The following NEDD9 variants were observed in gnomAD, a reference collection of about 807,000 sequenced individuals.
NEDD9 encodes enhancer of filamentation 1.
In NEDD9, 26 loss-of-function variants were observed where a neutral mutation model predicts 76.6. The observed-to-expected ratio is 0.34, with a 90% confidence interval of 0.25 to 0.47. The LOEUF (loss-of-function observed/expected upper bound fraction) is 0.47. Ranked by LOEUF, NEDD9 falls within the 20% of genes least tolerant of loss-of-function variation. NEDD9 has a pLI of 1.00. For synonymous variants in NEDD9, 392 were observed against 414.2 expected, an observed-to-expected ratio of 0.95 and a Z score of 0.65; for missense variants, 937 against 1,058.5, an observed-to-expected ratio of 0.89 and a Z score of 1.59.
At chr6:11,287,269 A>G (rs1760669967) in intron 3 of NEDD9, among the ~76,000 whole-genome samples, 1 of 152,080 alleles carries the variant, frequency 6.6e-6, no homozygotes. Context: ...CTCTACTAAA[A>G]ATACAAAAAT....
intron 4 of NEDD9, among the ~76,000 whole-genome samples, chr6:11,191,540 C>T (rs772866603): frequency 1.2e-4 from 19 of 152,146 alleles, no homozygotes; most frequent in Non-Finnish European, 2.1e-4. Flanking sequence ...AGTTCTCCCC[C>T]GGTCTTTTTG....
At chr6:11,290,086 C>G (rs1462688232) in intron 3 of NEDD9, among the ~76,000 whole-genome samples, 1 of 152,184 alleles carries the variant, frequency 6.6e-6, no homozygotes, top group African/African-American at 2.4e-5. Flanking sequence ...GAGTTCTTTC[C>G]ACTCGTATTA....
intron 1 of NEDD9, among the ~76,000 whole-genome samples, chr6:11,358,847 C>A (rs558938927): frequency 5.9e-5 from 9 of 152,210 alleles, no homozygotes; most frequent in Admixed American, 1.3e-4. Context: ...CGAGGAAATT[C>A]AAATACTGAG....
chr6:11,357,412 A>C (rs1762598189), intron 1 of NEDD9, among the ~76,000 whole-genome samples: 2 of 152,204 alleles, frequency 1.3e-5, no homozygotes, highest in Non-Finnish European at 2.9e-5. Flanking sequence ...CTTGGACTAC[A>C]GAGACCTATT....
chr6:11,330,196 G>A (rs1183850055), intron 2 of NEDD9, among the ~76,000 whole-genome samples: 1 of 152,218 alleles, frequency 6.6e-6, no homozygotes, highest in Non-Finnish European at 1.5e-5. Context: ...GATGCACTGA[G>A]ATCACCTGCC....
intron 1 of NEDD9, among the ~76,000 whole-genome samples, chr6:11,362,133 C>T (rs1762690365): frequency 6.6e-6 from 1 of 152,178 alleles, no homozygotes; most frequent in Admixed American, 6.5e-5. Context: ...GTGAATCCTC[C>T]TGAATGGATG....
At chr6:11,303,516 T>C (rs543442797) in intron 3 of NEDD9, among the ~76,000 whole-genome samples, 1 of 150,888 alleles carries the variant, frequency 6.6e-6, no homozygotes, top group South Asian at 2.1e-4. Context: ...AAAAACTACT[T>C]AAAAGAACAA....
rs138252379 is a variant in NEDD9, at chr6:11,287,164, C to T, written c.12+18828G>A. Among the ~76,000 whole-genome samples the T allele has an allele frequency of 5.1e-3, 775 of 152,312 alleles. 4 individuals carry two copies. The highest frequency in any genetic ancestry group is 0.01 in the Admixed American group (157 of 15,298). ...CAAGTAGGCTGGGCGCGGTGGCTCA[C>T]GCTTTTAGTCTCAGCACTTTGGGAG... On this transcript the variant is annotated intron_variant, in intron 3 of 3. Coordinates refer to the NEDD9 transcript ENST00000397378.
chr6:11,187,767 G>A (rs1379422980), intron 6 of NEDD9, among the ~76,000 whole-genome samples: 6 of 152,190 alleles, frequency 3.9e-5, no homozygotes, highest in Non-Finnish European at 8.8e-5. Context: ...AAATAGGTGA[G>A]AGTGAAGTAG....
chr6:11,343,485 C>G (rs1762312507), intron 1 of NEDD9, among the ~76,000 whole-genome samples: 1 of 151,726 alleles, frequency 6.6e-6, no homozygotes, highest in Non-Finnish European at 1.5e-5. Context: ...CTATTTAAAA[C>G]TGCACCCCAC....
chr6:11,269,961 T>C (rs1760270189), intron 3 of NEDD9, among the ~76,000 whole-genome samples: 1 of 152,206 alleles, frequency 6.6e-6, no homozygotes, highest in Admixed American at 6.5e-5. Flanking sequence ...ACCCTGACTC[T>C]GCTAAAAGTA....
At chr6:11,304,753 C>G (rs934664385) in intron 3 of NEDD9, among the ~76,000 whole-genome samples, 5 of 152,114 alleles carry the variant, frequency 3.3e-5, no homozygotes, top group African/African-American at 1.2e-4. Flanking sequence ...GGGAGTTGAA[C>G]AATGAGAACA....
chr6:11,341,161 G>A (rs951357435), intron 1 of NEDD9, among the ~76,000 whole-genome samples: 15 of 152,148 alleles, frequency 9.9e-5, no homozygotes, highest in South Asian at 6.2e-4. Context: ...AGACTATTTC[G>A]TCTCCTGTAA....
chr6:11,358,297 C>T (rs1036971046), intron 1 of NEDD9, among the ~76,000 whole-genome samples: 2 of 141,612 alleles, frequency 1.4e-5, no homozygotes, highest in Non-Finnish European at 1.5e-5. Context: ...TGTTACATAA[C>T]GTCAGCAGCA....
At chr6:11,324,770 A>AC (rs34824945) in intron 2 of NEDD9, among the ~76,000 whole-genome samples, 86,281 of 151,890 alleles carry the variant, frequency 0.57, 25,097 homozygotes, top group East Asian at 0.78. Flanking sequence ...TTTGTCTATG[A>AC]TGAGTTAGCT....
chr6:11,224,244 G>A (rs1393816122), intron 1 of NEDD9, among the ~76,000 whole-genome samples: 1 of 152,196 alleles, frequency 6.6e-6, no homozygotes, highest in Non-Finnish European at 1.5e-5. Context: ...TAATTGACAA[G>A]GTGATGTCTG....
chr6:11,212,420 G>C (rs1758809970), intron 2 of NEDD9, among the ~76,000 whole-genome samples: 1 of 152,144 alleles, frequency 6.6e-6, no homozygotes, highest in Non-Finnish European at 1.5e-5. Flanking sequence ...GGTTGCTTCT[G>C]TCTCCCCCAC....
intron 1 of NEDD9, among the ~76,000 whole-genome samples, chr6:11,355,783 C>G (rs1014441805): frequency 5.9e-5 from 9 of 151,970 alleles, no homozygotes; most frequent in Admixed American, 2.0e-4. Context: ...GGCAGTGGCG[C>G]GATCTCCGCT....
At chr6:11,363,228 C>T (rs1762708062) in intron 1 of NEDD9, among the ~76,000 whole-genome samples, 1 of 152,072 alleles carries the variant, frequency 6.6e-6, no homozygotes, top group Non-Finnish European at 1.5e-5. Flanking sequence ...GACCAGAAAA[C>T]CTGGTGAAAG....
Sources: allele counts gnomAD v4.1 joint callset (sites outside exome capture counted in the v4.1 genomes callset), GRCh38; gene constraint gnomAD v4.1.1; transcripts MANE v1.5; gene names NCBI Gene and HGNC (gene_info 2026-07-23, HGNC 2026-07-21).